EXOC4: variants seen among roughly 807,000 people sequenced by gnomAD.
The protein encoded by EXOC4 is exocyst complex component 4.
EXOC4 carries 71 observed loss-of-function variants against 107.2 expected under a neutral mutation model. The ratio of observed to expected loss-of-function variants is 0.66; its 90% CI spans 0.55 to 0.81. The LOEUF is 0.81. Among genes scored for constraint, EXOC4 ranks in the 30% least tolerant of loss-of-function variants. The pLI, the probability that EXOC4 is intolerant of heterozygous loss-of-function variation, is 0.00. For missense variants in EXOC4, 1,108 were observed against 1,189.6 expected (o/e 0.93, Z 1.01); for synonymous variants, 456 against 441.2 (o/e 1.03, Z -0.42).
intron 7 of EXOC4, among the ~76,000 whole-genome samples, chr7:133,395,816 G>C (rs1796959020): frequency 6.6e-6 from 1 of 152,138 alleles, no homozygotes; most frequent in South Asian, 2.1e-4. Context: ...TATGAAAAAG[G>C]GTAGGGAAGA....
chr7:133,256,138 T>C (rs1211437768), intron 1 of EXOC4, among the ~76,000 whole-genome samples: 1 of 152,112 alleles, frequency 6.6e-6, no homozygotes, highest in East Asian at 1.9e-4. Context: ...TGCGCCACCA[T>C]ACCCGACTAA....
At chr7:134,085,315 C>CA in the EXOC4 span, among the ~76,000 whole-genome samples, 9 of 130,334 alleles carry the variant, frequency 6.9e-5, no homozygotes, top group Admixed American at 6.7e-4. Flanking sequence ...AATACGTGGC[C>CA]AAAAAAACAA....
chr7:133,695,338 G>A (rs996206129), intron 10 of EXOC4, among the ~76,000 whole-genome samples: 1 of 152,118 alleles, frequency 6.6e-6, no homozygotes, highest in Non-Finnish European at 1.5e-5. Context: ...ATTTCAATGT[G>A]TGCATGTATT....
At chr7:133,410,213 A>G (rs537520179) in intron 7 of EXOC4, among the ~76,000 whole-genome samples, 11 of 152,308 alleles carry the variant, frequency 7.2e-5, no homozygotes, top group African/African-American at 2.6e-4. Context: ...TGTCTTGGAC[A>G]TGTGTTTCAA....
intron 11 of EXOC4, among the ~76,000 whole-genome samples, chr7:133,875,877 T>C (rs544162184): frequency 6.6e-6 from 1 of 152,232 alleles, no homozygotes; most frequent in Non-Finnish European, 1.5e-5. Context: ...AGATTGAAGT[T>C]ACTGCTTTTT....
chr7:133,638,957 C>A (rs1342017503), intron 10 of EXOC4, among the ~76,000 whole-genome samples: 1 of 152,196 alleles, frequency 6.6e-6, no homozygotes, highest in South Asian at 2.1e-4. Flanking sequence ...AAAATGCTTG[C>A]ATAATTTGTA....
At chr7:133,928,521 A>G (rs565388879) in intron 13 of EXOC4, among the ~76,000 whole-genome samples, 1 of 152,104 alleles carries the variant, frequency 6.6e-6, no homozygotes, top group East Asian at 1.9e-4. Context: ...CTAGTCCACC[A>G]TCCTCTTTCA....
At chr7:133,431,410 A>G (rs145818640) in intron 7 of EXOC4, among the ~76,000 whole-genome samples, 214 of 152,320 alleles carry the variant, frequency 1.4e-3, no homozygotes, top group African/African-American at 4.8e-3. Context: ...GATAACTTTC[A>G]TTGCTGCCAA....
intron 11 of EXOC4, among the ~76,000 whole-genome samples, chr7:133,878,812 C>A (rs1467913992): frequency 6.6e-6 from 1 of 152,168 alleles, no homozygotes; most frequent in Non-Finnish European, 1.5e-5. Context: ...CAGCCTCCAC[C>A]TCCCAGGTTC....
chr7:133,296,923 C>G (rs1215718759), intron 3 of EXOC4, among the ~76,000 whole-genome samples: 2 of 152,128 alleles, frequency 1.3e-5, no homozygotes, highest in Admixed American at 1.3e-4. Flanking sequence ...GGGCCACTGA[C>G]TTCAGTTATT....
At chr7:133,810,269 G>C (rs1217780261) in intron 10 of EXOC4, among the ~76,000 whole-genome samples, 1 of 152,212 alleles carries the variant, frequency 6.6e-6, no homozygotes, top group East Asian at 1.9e-4. Context: ...TGAAATGGAA[G>C]AAATGGAGCT....
intron 14 of EXOC4, among the ~76,000 whole-genome samples, chr7:133,961,027 G>A (rs1251248003): frequency 5.9e-5 from 9 of 152,094 alleles, no homozygotes; most frequent in Non-Finnish European, 8.8e-5. Context: ...TAAGGTTCTC[G>A]GCTCACCTGA....
At chr7:133,617,840 T>G (rs573483314) in intron 9 of EXOC4, among the ~76,000 whole-genome samples, 1 of 152,300 alleles carries the variant, frequency 6.6e-6, no homozygotes, top group South Asian at 2.1e-4. Context: ...AAGTGAGAAT[T>G]GAGTTCAAAA....
At chr7:133,823,846 TA>T (rs1563014549) in intron 11 of EXOC4, among the ~76,000 whole-genome samples, 242 of 1,582 alleles carry the variant, frequency 0.15, 3 homozygotes, top group Non-Finnish European at 0.16. Flanking sequence ...ATATATATTA[TA>T]TATATATATA....
the EXOC4 span, among the ~76,000 whole-genome samples, chr7:134,078,488 A>G: frequency 6.6e-6 from 1 of 152,066 alleles, no homozygotes; most frequent in African/African-American, 2.4e-5. Context: ...GGAACTTTCT[A>G]TTTCAGTACC....
chr7:133,684,488 G>A (rs1358372663), intron 10 of EXOC4, among the ~76,000 whole-genome samples: 1 of 152,092 alleles, frequency 6.6e-6, no homozygotes. Flanking sequence ...ATATCTGATA[G>A]ATTTGTGGGT....
chr7:133,571,248 C>T (rs1411782616), intron 9 of EXOC4, among the ~76,000 whole-genome samples: 1 of 152,132 alleles, frequency 6.6e-6, no homozygotes, highest in African/African-American at 2.4e-5. Context: ...TGAAAGGGAG[C>T]CCTTGTCTGA....
intron 14 of EXOC4, among the ~76,000 whole-genome samples, chr7:133,957,802 A>G (rs1280916827): frequency 1.3e-5 from 2 of 152,248 alleles, no homozygotes; most frequent in African/African-American, 4.8e-5. Context: ...GAAAATAGCT[A>G]TTAACTCAAA....
chr7:133,486,473 C>T (rs1428784657), intron 9 of EXOC4, among the ~76,000 whole-genome samples: 1 of 151,992 alleles, frequency 6.6e-6, no homozygotes, highest in Non-Finnish European at 1.5e-5. Flanking sequence ...CAATATTATG[C>T]TTATGACATA....
Sources: allele counts gnomAD v4.1 joint callset (sites outside exome capture counted in the v4.1 genomes callset), GRCh38; gene constraint gnomAD v4.1.1; transcripts MANE v1.5; gene names NCBI Gene and HGNC (gene_info 2026-07-23, HGNC 2026-07-21).